Variants in RAD18 observed in about 807,000 individuals in gnomAD.
The protein encoded by RAD18 is E3 ubiquitin-protein ligase RAD18.
Under a neutral mutation model 60.4 loss-of-function variants are expected in RAD18, and 47 were observed. That is an observed-to-expected ratio of 0.78 (90% CI 0.62 to 0.99). RAD18 has a LOEUF of 0.99. Among genes scored for constraint, RAD18 ranks in the 50% least tolerant of loss-of-function variants. RAD18 has a pLI of 0.00. For missense variants in RAD18, 640 were observed against 593.3 expected (o/e 1.08, Z -0.82); for synonymous variants, 225 against 195.5 (o/e 1.15, Z -1.26).
chr3:8,957,877 C>T (rs1309517287), intron 2 of RAD18, among the ~76,000 whole-genome samples: 1 of 152,094 alleles, frequency 6.6e-6, no homozygotes, highest in Non-Finnish European at 1.5e-5. Context: ...CACTTTTATA[C>T]CTTAATGTGC....
intron 10 of RAD18, among the ~76,000 whole-genome samples, chr3:8,901,539 C>G (rs529682019): frequency 6.6e-6 from 1 of 152,096 alleles, no homozygotes; most frequent in East Asian, 1.9e-4. Context: ...GAGAAAGAAG[C>G]CAACACACAA....
chr3:8,911,532 C>T (rs1252249082), intron 9 of RAD18, among the ~76,000 whole-genome samples: 3 of 152,158 alleles, frequency 2.0e-5, no homozygotes, highest in African/African-American at 7.2e-5. Flanking sequence ...AGTCCATAAT[C>T]CAAGACTCCT....
intron 5 of RAD18, among the ~76,000 whole-genome samples, chr3:8,940,702 C>T (rs1316803912): frequency 6.6e-6 from 1 of 152,146 alleles, no homozygotes; most frequent in African/African-American, 2.4e-5. Context: ...AAAACAAGTG[C>T]TATAGCACTT....
Position 8,877,702 on chromosome 3 carries a change from C to G in RAD18, c.*3655G>C, listed in dbSNP as rs1324081100. Reference sequence around the variant, plus strand: ...CTTAATGCTCATCTTCCCTTCTGATCTACAAGCTCCATCAGGGCAGGAACT... The same window carrying G: ...CTTAATGCTCATCTTCCCTTCTGATGTACAAGCTCCATCAGGGCAGGAACT... On this transcript the variant is annotated 3_prime_UTR_variant, in exon 13 of 13. Coordinates refer to ENST00000264926, the MANE Select transcript of RAD18 (RefSeq NM_020165.4). 6.6e-6 allele frequency: 1 copy of G among 152,186 alleles called. No homozygotes were observed. Among genetic ancestry groups the G allele is most frequent in the Non-Finnish European group, 1.5e-5 (1 of 68,062 alleles). The allele number at this position is 152,186 out of a possible 1,614,324, so 9.4% of individuals were successfully genotyped here.
Position 8,902,436 on chromosome 3 carries a change from G to GT in RAD18, c.1111dup (p.Thr371AsnfsTer9), listed in dbSNP as rs766463274. The GT allele has an allele frequency of 2.7e-5, 43 of 1,609,798 alleles. No homozygotes were observed. Among genetic ancestry groups the GT allele is most frequent in the Non-Finnish European group, 3.6e-5 (42 of 1,177,326 alleles). ...TTCATCTTCTTTTGTTATTGTTACTGTTTTTTGTGACATTCCAGCAATTTT... is the reference window on the plus strand; with the variant it reads ...TTCATCTTCTTTTGTTATTGTTACTGTTTTTTTGTGACATTCCAGCAATTTT... On this transcript the variant is annotated frameshift_variant, in exon 10 of 13. Coordinates refer to ENST00000264926, the MANE Select transcript of RAD18 (RefSeq NM_020165.4). LOFTEE classifies it high-confidence loss of function.
Position 8,898,876 on chromosome 3 carries a change from C to G in RAD18, c.1322+18G>C, listed in dbSNP as rs760044183. On this transcript the variant is annotated intron_variant, in intron 11 of 12. Transcript: ENST00000264926. ...TGAAGTAGATATTTAAAATAATCAA[C>G]TACTGCATGTTTCTTACCTATTGCA... 2.0e-6 allele frequency: 3 copies of G among 1,529,110 alleles called. No individual in the cohort carries two copies. Among genetic ancestry groups the G allele is most frequent in the Non-Finnish European group, 2.7e-6 (3 of 1,128,128 alleles). The allele number at this position is 1,529,110 out of a possible 1,614,324, so 94.7% of individuals were successfully genotyped here.
intron 6 of RAD18, among the ~76,000 whole-genome samples, chr3:8,938,383 T>C (rs868723964): frequency 1.3e-5 from 2 of 152,198 alleles, no homozygotes; most frequent in African/African-American, 4.8e-5. Context: ...AGTGATGTAT[T>C]TTCTTTAATC....
Position 8,881,289 on chromosome 3 carries a change from A to AT in RAD18, c.*67dup. On this transcript the variant is annotated 3_prime_UTR_variant, in exon 13 of 13. Transcript: ENST00000264926. Reference sequence around the variant, plus strand: ...TTCCTTGGGCATTTATAAATAGAAAATCTATCTGTGGCAACCAAAAGTACG... The same window carrying AT: ...TTCCTTGGGCATTTATAAATAGAAAATTCTATCTGTGGCAACCAAAAGTACG... 1.6e-6 allele frequency: 2 copies of AT among 1,255,806 alleles called. No individual in the cohort carries two copies. Among genetic ancestry groups the AT allele is most frequent in the Non-Finnish European group, 2.3e-6 (2 of 875,182 alleles). The allele number at this position is 1,255,806 out of a possible 1,614,324, so 77.8% of individuals were successfully genotyped here. A position where few individuals can be genotyped will look rare whatever the true frequency, so the allele number is the denominator to read the frequency against.
intron 7 of RAD18, among the ~76,000 whole-genome samples, chr3:8,922,961 G>A (rs908135504): frequency 6.6e-6 from 1 of 152,112 alleles, no homozygotes; most frequent in Non-Finnish European, 1.5e-5. Flanking sequence ...CCACAAAGAT[G>A]GGGAAAAAAC....
At chr3:8,926,857 T>G (rs565339349) in intron 7 of RAD18, among the ~76,000 whole-genome samples, 3 of 152,200 alleles carry the variant, frequency 2.0e-5, no homozygotes, top group East Asian at 3.8e-4. Flanking sequence ...GCTAGCCATA[T>G]GTAGAAAGCT....
At chr3:8,935,349 A>C (rs930367074) in intron 7 of RAD18, among the ~76,000 whole-genome samples, 1 of 152,238 alleles carries the variant, frequency 6.6e-6, no homozygotes, top group African/African-American at 2.4e-5. Context: ...CAGTAATGAA[A>C]AGGATATATG....
At chr3:8,909,539 G>A (rs1260704908) in intron 9 of RAD18, among the ~76,000 whole-genome samples, 2 of 151,700 alleles carry the variant, frequency 1.3e-5, no homozygotes, top group African/African-American at 4.8e-5. Context: ...AGTAACAAAT[G>A]AAAGATAAAG....
At chr3:8,949,332 A>G (rs761760043) in intron 2 of RAD18, among the ~76,000 whole-genome samples, 3 of 152,160 alleles carry the variant, frequency 2.0e-5, no homozygotes, top group Non-Finnish European at 2.9e-5. Flanking sequence ...ATTTCAGTAC[A>G]CTGTATAAAT....
intron 2 of RAD18, among the ~76,000 whole-genome samples, chr3:8,951,834 G>A (rs1454039757): frequency 6.6e-6 from 1 of 152,182 alleles, no homozygotes; most frequent in East Asian, 1.9e-4. Context: ...CATGGTTCTG[G>A]AGGCTAAAAG....
chr3:8,946,245 T>G (rs1940837535), intron 4 of RAD18, among the ~76,000 whole-genome samples: 1 of 152,258 alleles, frequency 6.6e-6, no homozygotes, highest in Admixed American at 6.5e-5. Flanking sequence ...GTGTTGCAAC[T>G]GCCTACCGTA....
chr3:8,929,643 ATTT>A (rs71049758), intron 7 of RAD18, among the ~76,000 whole-genome samples: 10 of 142,278 alleles, frequency 7.0e-5, no homozygotes, highest in African/African-American at 1.5e-4. Flanking sequence ...ACTGGAATTA[ATTT>A]TTTTTTTTTT....
chr3:8,928,495 A>G (rs1264154592), intron 7 of RAD18, among the ~76,000 whole-genome samples: 1 of 152,192 alleles, frequency 6.6e-6, no homozygotes, highest in Non-Finnish European at 1.5e-5. Context: ...AGTAGCTGCT[A>G]TACTCATATC....
In RAD18 at chr3:8,881,416, G is replaced by A. The variant is rs759805996; in HGVS notation, c.1429C>T (p.Arg477Cys). ...DTEISPRQNRRTRAAESAEIE... is the reference protein window; with the variant it reads ...DTEISPRQNRCTRAAESAEIE... ...TCAGCACTTTCAGCGGCTCTTGTGC[G>A]GCGATTCTGTCTTGGACTTATTTCT... Residue 477 changes from arginine to cysteine, a missense_variant, in exon 13 of 13, where the codon CGC (arginine) becomes TGC (cysteine). By Grantham distance (180) the Arg-to-Cys change is radical. Coordinates refer to ENST00000264926, the MANE Select transcript of RAD18 (RefSeq NM_020165.4). 2.0e-5 allele frequency: 33 copies of A among 1,613,100 alleles called. No homozygotes were observed. Among genetic ancestry groups the A allele is most frequent in the East Asian group, 6.7e-5 (3 of 44,864 alleles).
rs759632365 is a variant in RAD18, at chr3:8,881,371, G to A, written c.1474C>T (p.Arg492Cys). 23 of 1,605,004 alleles carry A rather than the reference G, an allele frequency of 1.4e-5. No individual in the cohort carries two copies. Among genetic ancestry groups the A allele is most frequent in the East Asian group, 4.5e-5 (2 of 44,812 alleles). Residue 492 changes from arginine (R) to cysteine (C), a missense_variant, in exon 13 of 13, where the codon CGT (arginine) becomes TGT (cysteine). Arg to Cys is a radical substitution (Grantham distance 180). Transcript: ENST00000264926. Reference protein sequence around the residue: ...ESAEIEPRNKRNRN With the variant: ...ESAEIEPRNKCNRN Reference sequence around the variant, plus strand: ...AAAAGCCCACATTAATTCCTATTACGCTTGTTTCTTGGTTCAATCTCAGCA... The same window carrying A: ...AAAAGCCCACATTAATTCCTATTACACTTGTTTCTTGGTTCAATCTCAGCA...
Sources: allele counts gnomAD v4.1 joint callset (sites outside exome capture counted in the v4.1 genomes callset), GRCh38; gene constraint gnomAD v4.1.1; transcripts MANE v1.5; gene names NCBI Gene and HGNC (gene_info 2026-07-23, HGNC 2026-07-21).